Variants in PTK7 observed in about 807,000 individuals in gnomAD.
PTK7 encodes the protein protein tyrosine kinase 7 (inactive).
PTK7 carries 39 observed loss-of-function variants against 116.6 expected under a neutral mutation model. That is an observed-to-expected ratio of 0.33 (90% CI 0.26 to 0.44). The LOEUF is 0.44. Ranked by LOEUF, PTK7 falls within the 20% of genes least tolerant of loss-of-function variation. PTK7 has a pLI of 1.00. For missense variants in PTK7, 1,169 were observed against 1,425.6 expected, an observed-to-expected ratio of 0.82 and a Z score of 2.90; for synonymous variants, 546 against 563.6, an observed-to-expected ratio of 0.97 and a Z score of 0.44.
rs1466299038 is a variant in PTK7 at position 43,129,817 on chromosome 6, A to G, written c.458A>G (p.Asp153Gly). 3 of 1,613,926 alleles carry G rather than the reference A, an allele frequency of 1.9e-6. No homozygotes were observed. Among genetic ancestry groups the G allele is most frequent in the Non-Finnish European group, 2.5e-6 (3 of 1,179,844 alleles). The change falls in exon 3 of 20, where the codon GAT becomes GGT. Residue 153 changes from aspartate (D) to glycine (G), a missense_variant. Physicochemically the swap from Asp to Gly is moderately conservative, Grantham distance 94. Around this residue, in one of 3 missense-constraint regions of PTK7, gnomAD observed 487 missense variants for 549.8 expected, o/e 0.89. Coordinates refer to ENST00000230419, the MANE Select transcript of PTK7 (RefSeq NM_002821.5). This position sits in a 1 kb window ranked among gnomAD's most constrained non-coding sequence, Gnocchi z 4.5. The stretch of plus-strand genomic sequence containing the variant: ...CAGGTCACACTTCGTTGCCACATTG[A>G]TGGGCACCCTCGGTAAGGAGTCAGG... ...QTQVTLRCHI[D>G]GHPRPTYQWF...
At position 43,140,760 on chromosome 6, in the gene PTK7, T is replaced by C. The variant is rs143144588; in HGVS notation, c.1619-908T>C. Among the ~76,000 whole-genome samples the C allele has an allele frequency of 3.1e-3, 472 of 152,252 alleles. 2 individuals carry two copies. Among genetic ancestry groups the C allele is most frequent in the African/African-American group, 0.011 (444 of 41,572 alleles). ...AAAATTAGCCAGGCATGGTGGTGCATGCCTGTAGACATGCTTATTGTAGAA... is the reference window on the plus strand; with the variant it reads ...AAAATTAGCCAGGCATGGTGGTGCACGCCTGTAGACATGCTTATTGTAGAA... On this transcript the variant is annotated intron_variant, in intron 10 of 19. Transcript: ENST00000230419.
At chr6:43,123,033 A>C (rs1424942745) in intron 1 of PTK7, among the ~76,000 whole-genome samples, 3 of 152,276 alleles carry the variant, frequency 2.0e-5, no homozygotes, top group East Asian at 3.9e-4. Context: ...CAAAATCCCC[A>C]TGCCTCTGTG....
rs1277310008 is a variant in PTK7 at position 43,132,645 on chromosome 6, C to T, written c.1186C>T (p.Leu396=). 8.2e-6 allele frequency: 13 copies of T among 1,583,486 alleles called. No homozygotes were observed. Among genetic ancestry groups the T allele is most frequent in the Non-Finnish European group, 1.1e-5 (13 of 1,165,038 alleles). ...TGTCTACACCTGCCACGCGGCCAAC[C>T]TGGCTGGTCAGCGGAGACAGGATGT... ...AGVYTCHAAN[L]AGQRRQDVNI... Residue 396 remains leucine, a synonymous_variant, in exon 7 of 20, where the codon CTG becomes TTG. Coordinates refer to ENST00000230419, the MANE Select transcript of PTK7 (RefSeq NM_002821.5).
At chr6:43,116,505 A>G (rs1012681155) in intron 1 of PTK7, among the ~76,000 whole-genome samples, 1 of 151,994 alleles carries the variant, frequency 6.6e-6, no homozygotes, top group African/African-American at 2.4e-5. Flanking sequence ...AAAGTATGAG[A>G]CTGATTCTTT....
chr6:43,094,288 C>G (rs891478264), intron 1 of PTK7, among the ~76,000 whole-genome samples: 1 of 152,106 alleles, frequency 6.6e-6, no homozygotes, highest in African/African-American at 2.4e-5. Context: ...GCCTGCAGAC[C>G]CTGTTCTCCT....
In PTK7 at chr6:43,158,820, G is replaced by T. The variant is rs1771667402; in HGVS notation, c.2725G>T (p.Ala909Ser). The T allele has an allele frequency of 1.2e-6, 2 of 1,613,828 alleles. No homozygotes were observed. ...ACAGGCCCCTTTATCTCTCCAGGTGGCCCTATGCACCCAGGTAGCCCTGGG... is the reference window on the plus strand; with the variant it reads ...ACAGGCCCCTTTATCTCTCCAGGTGTCCCTATGCACCCAGGTAGCCCTGGG... Reference protein sequence around the residue: ...SQPLSTKQKVALCTQVALGME... With the variant: ...SQPLSTKQKVSLCTQVALGME... Residue 909 changes from alanine (A) to serine (S), a missense_variant, in exon 18 of 20, where the codon GCC (alanine) becomes TCC (serine). This residue lies in a region of PTK7 where 678 missense variants were observed against 853.8 expected (regional missense o/e 0.79). Transcript: ENST00000230419.
chr6:43,150,710 T>C (rs1402567322), intron 17 of PTK7, among the ~76,000 whole-genome samples: 1 of 149,438 alleles, frequency 6.7e-6, no homozygotes, highest in African/African-American at 2.5e-5. Flanking sequence ...TGAAGCAGCC[T>C]GGCCCCTTTA....
intron 7 of PTK7, 139 bp downstream of exon 7, chr6:43,132,826 G>C: frequency 8.2e-7 from 1 of 1,223,406 alleles, no homozygotes; most frequent in Non-Finnish European, 1.2e-6. Context: ...GTTCACTACT[G>C]GGAGTCGGTG....
chr6:43,125,769 T>TG (rs1456765311), intron 1 of PTK7, among the ~76,000 whole-genome samples: 1 of 152,134 alleles, frequency 6.6e-6, no homozygotes, highest in Non-Finnish European at 1.5e-5. Flanking sequence ...ATGACAGCCT[T>TG]GTGAGAGAGG....
At chr6:43,159,754 C>T (rs200764796) in intron 18 of PTK7, 34 bp from the exon 19 acceptor site, 2 of 1,612,022 alleles carry the variant, frequency 1.2e-6, no homozygotes, top group East Asian at 2.2e-5. Flanking sequence ...ACGCTCCCAC[C>T]CCACCTCACC....
At chr6:43,113,838 A>G (rs1049261915) in intron 1 of PTK7, among the ~76,000 whole-genome samples, 1 of 152,210 alleles carries the variant, frequency 6.6e-6, no homozygotes, top group Non-Finnish European at 1.5e-5. Context: ...CTTCCTGGTG[A>G]ATTATTTACC....
intron 17 of PTK7, among the ~76,000 whole-genome samples, chr6:43,156,844 C>A (rs1771463805): frequency 6.6e-6 from 1 of 151,886 alleles, no homozygotes; most frequent in African/African-American, 2.4e-5. Context: ...TTGCAGTGAG[C>A]CGAGATCGCA....
intron 6 of PTK7, 107 bp downstream of exon 6, chr6:43,132,271 A>C: frequency 6.6e-7 from 1 of 1,507,940 alleles, no homozygotes; most frequent in Non-Finnish European, 8.9e-7. Context: ...GGGCAGGGGA[A>C]GAAAAGGATG....
In PTK7 at chr6:43,132,588, G is replaced by A. The variant is rs1561968483; in HGVS notation, c.1129G>A (p.Val377Met). Residue 377 changes from valine (V) to methionine (M), a missense_variant, in exon 7 of 20, where the codon GTG becomes ATG. By Grantham distance (21) the Val-to-Met change is conservative (BLOSUM62 1). This residue lies in a region of PTK7 where 487 missense variants were observed against 549.8 expected (regional missense o/e 0.89). Coordinates refer to ENST00000230419, the MANE Select transcript of PTK7 (RefSeq NM_002821.5). ...GRVYQKGHEL[V>M]LANIAESDAG... Reference sequence around the variant, plus strand: ...GGTCTACCAGAAGGGCCACGAGCTGGTGTTGGCCAATATTGCTGAAAGTGA... The same window carrying A: ...GGTCTACCAGAAGGGCCACGAGCTGATGTTGGCCAATATTGCTGAAAGTGA... 1.2e-6 allele frequency: 2 copies of A among 1,612,850 alleles called. No individual in the cohort carries two copies. The highest frequency in any genetic ancestry group is 1.7e-6 in the Non-Finnish European group (2 of 1,179,660).
chr6:43,138,858 C>A lies in PTK7; in HGVS notation c.1238C>A (p.Ser413Tyr), dbSNP rs1219753385. Residue 413 changes from serine (S) to tyrosine (Y), a missense_variant, in exon 8 of 20, where the codon TCC (serine) becomes TAC (tyrosine). Ser to Tyr is a moderately radical substitution (Grantham distance 144, BLOSUM62 -2). This residue lies in a region of PTK7 where 4 missense variants were observed against 22.0 expected (regional missense o/e 0.18). Coordinates refer to ENST00000230419, the MANE Select transcript of PTK7 (RefSeq NM_002821.5). ...CTTCCTGTCTGTCTAGCTGTGCCCT[C>A]CTGGCTGAAGAAGCCCCAAGACAGC... Reference protein sequence around the residue: ...DVNITVATVPSWLKKPQDSQL... With the variant: ...DVNITVATVPYWLKKPQDSQL... The A allele has an allele frequency of 9.3e-6, 15 of 1,613,118 alleles. No homozygotes were observed. The highest frequency in any genetic ancestry group is 1.2e-5 in the Non-Finnish European group (14 of 1,179,556).
intron 17 of PTK7, among the ~76,000 whole-genome samples, chr6:43,157,364 A>ATATATATATATATATTTTTTTTTTT (rs70990168): frequency 1.8e-5 from 1 of 54,364 alleles, no homozygotes; most frequent in Non-Finnish European, 3.3e-5. Context: ...ATATATATAT[A>ATATATATATATATATTTTTTTTTTT]TTTTTTTTTT....
At chr6:43,125,077 C>T (rs1769208310) in intron 1 of PTK7, among the ~76,000 whole-genome samples, 1 of 152,070 alleles carries the variant, frequency 6.6e-6, no homozygotes, top group South Asian at 2.1e-4. Flanking sequence ...GAGGCTGAGA[C>T]AGGAGAATCG....
chr6:43,076,883 G>A lies in PTK7; in HGVS notation c.79+316G>A. On this transcript the variant is annotated intron_variant, in intron 1 of 19. Transcript: ENST00000230419. The surrounding 1 kb of genome is among the most constrained non-coding windows in gnomAD (Gnocchi z 5.7). ...CGAGAGTTGCTGGCTCTCGGGCCCA[G>A]ATGGGGAGTTTCTTGTCGGGGGAGA... 1 of 1,502,090 alleles carries A rather than the reference G, an allele frequency of 6.7e-7. No individual in the cohort carries two copies. Among genetic ancestry groups the A allele is most frequent in the South Asian group, 1.2e-5 (1 of 81,998 alleles). 93.0% of individuals were successfully genotyped at this position (1,502,090 alleles called of 1,614,324 possible).
intron 1 of PTK7, among the ~76,000 whole-genome samples, chr6:43,128,420 C>T (rs1323332807): frequency 6.6e-6 from 1 of 152,222 alleles, no homozygotes; most frequent in Non-Finnish European, 1.5e-5. Flanking sequence ...GTGTGCCCCT[C>T]TAGTCTTCAG....
Sources: allele counts gnomAD v4.1 joint callset (sites outside exome capture counted in the v4.1 genomes callset), GRCh38; gene constraint gnomAD v4.1.1; regional missense constraint gnomAD v4.1.1; non-coding constraint Gnocchi (gnomAD v3.1); transcripts MANE v1.5; gene names NCBI Gene and HGNC (gene_info 2026-07-23, HGNC 2026-07-21).